The following SUN1 variants were observed in gnomAD, a reference collection of about 807,000 sequenced individuals.
SUN1 encodes SUN domain-containing protein 1.
Under a neutral mutation model 103.2 loss-of-function variants are expected in SUN1, and 61 were observed. The ratio of observed to expected loss-of-function variants is 0.59; its 90% CI spans 0.48 to 0.73. The LOEUF (loss-of-function observed/expected upper bound fraction) is 0.73, where lower values mean the gene tolerates loss of function less well. Ranked by LOEUF, SUN1 falls within the 30% of genes least tolerant of loss-of-function variation. The pLI is 0.00. For missense variants in SUN1, 1,052 were observed against 1,034.6 expected (o/e 1.02, Z -0.23); for synonymous variants, 490 against 425.7 (o/e 1.15, Z -1.86).
intron 2 of SUN1, among the ~76,000 whole-genome samples, chr7:840,767 G>A (rs1252233449): frequency 6.7e-6 from 1 of 149,270 alleles, no homozygotes. Context: ...TCAGCCTCCC[G>A]AGTAGCTGGG....
At chr7:816,096 C>T (rs2128098782), upstream of SUN1, 2 of 269,746 alleles carry the variant, frequency 7.4e-6, no homozygotes, top group Admixed American at 5.9e-5. Context: ...ATGCACACAC[C>T]TTTCCGAAGA....
chr7:824,449 G>C (rs1424272979), intron 1 of SUN1, among the ~76,000 whole-genome samples: 3 of 152,152 alleles, frequency 2.0e-5, no homozygotes, highest in Non-Finnish European at 4.4e-5. Flanking sequence ...GTGCACTCTA[G>C]GTTTGAAGCA....
chr7:845,427 T>C (rs1398643885), intron 5 of SUN1, among the ~76,000 whole-genome samples: 1 of 152,196 alleles, frequency 6.6e-6, no homozygotes, highest in African/African-American at 2.4e-5. Flanking sequence ...CCAGGACTTG[T>C]GCGGCCCACA....
chr7:824,396 A>T (rs1441997390), intron 1 of SUN1, among the ~76,000 whole-genome samples: 1 of 152,186 alleles, frequency 6.6e-6, no homozygotes, highest in East Asian at 1.9e-4. Context: ...TCCAGGAGAC[A>T]TTTGGTTGGC....
At chr7:847,236 C>T (rs904720556) in intron 5 of SUN1, among the ~76,000 whole-genome samples, 4 of 151,920 alleles carry the variant, frequency 2.6e-5, no homozygotes, top group African/African-American at 9.7e-5. Context: ...GGGGGTTACC[C>T]CGCAGTCCAG....
intron 5 of SUN1, chr7:848,381 T>C (rs774296347): frequency 7.5e-7 from 1 of 1,335,886 alleles, no homozygotes; most frequent in Non-Finnish European, 9.9e-7. Flanking sequence ...ATTGGCTTTA[T>C]GGGAAGAAAT....
At chr7:849,593 G>A in intron 5 of SUN1, 1 of 1,454,964 alleles carries the variant, frequency 6.9e-7, no homozygotes, top group Non-Finnish European at 9.3e-7. Context: ...GTGTAAATGG[G>A]GAAGCGCTGT....
chr7:856,353 T>G lies in SUN1; in HGVS notation c.1351-5T>G, dbSNP rs750281172. ...TTTCAGTAGACTATTTCTCATACTT[T>G]TTAGGCCATCCAGAAGGAACTAGAA... On this transcript the variant is annotated splice_polypyrimidine_tract_variant and splice_region_variant and intron_variant, in intron 11 of 18. Transcript: ENST00000401592. 2 of 1,614,050 alleles carry G rather than the reference T, an allele frequency of 1.2e-6. No homozygotes were observed.
chr7:870,027 C>G (rs1432301330), intron 17 of SUN1, among the ~76,000 whole-genome samples: 1 of 146,084 alleles, frequency 6.8e-6, no homozygotes, highest in Non-Finnish European at 1.5e-5. Context: ...AACCGCGTCT[C>G]TACTAAAATA....
upstream of SUN1, chr7:832,407 G>C (rs1798793062): frequency 4.0e-6 from 4 of 992,100 alleles, no homozygotes. Context: ...GGTGACCTGA[G>C]TTGAGTTGCG....
chr7:860,158 C>T lies in SUN1; in HGVS notation c.1555C>T (p.Leu519Phe). 1 of 1,614,202 alleles carries T rather than the reference C, an allele frequency of 6.2e-7. No individual in the cohort carries two copies. Among genetic ancestry groups the T allele is most frequent in the African/African-American group, 1.3e-5 (1 of 75,058 alleles). Residue 519 changes from leucine (L) to phenylalanine (F), a missense_variant, in exon 14 of 19, where the codon CTC (leucine) becomes TTC (phenylalanine). By Grantham distance (22) the Leu-to-Phe change is conservative (BLOSUM62 0). Around this residue, in one of 2 missense-constraint regions of SUN1, gnomAD observed 846 missense variants for 774.5 expected, o/e 1.09. Coordinates refer to ENST00000401592, the MANE Select transcript of SUN1 (RefSeq NM_001130965.3). The part of the protein sequence containing the change: ...VDVQVREMVK[L>F]LFSEDQQGGS... Reference sequence around the variant, plus strand: ...CGTGCAAGTCAGAGAAATGGTGAAACTCCTGTTTTCCGAAGATCAGCAAGG... The same window carrying T: ...CGTGCAAGTCAGAGAAATGGTGAAATTCCTGTTTTCCGAAGATCAGCAAGG...
chr7:858,524 G>A (rs976856199), intron 13 of SUN1, among the ~76,000 whole-genome samples: 5 of 152,150 alleles, frequency 3.3e-5, no homozygotes, highest in African/African-American at 9.7e-5. Context: ...CTTGGTATGC[G>A]TCCTTGGTGT....
intron 1 of SUN1, among the ~76,000 whole-genome samples, chr7:827,360 T>G (rs1048885333): frequency 6.6e-6 from 1 of 151,822 alleles, no homozygotes; most frequent in Non-Finnish European, 1.5e-5. Flanking sequence ...TTCAGCCTTG[T>G]ATGAAGATTT....
upstream of SUN1, among the ~76,000 whole-genome samples, chr7:830,103 G>A (rs1796557365): frequency 6.6e-6 from 1 of 152,238 alleles, no homozygotes; most frequent in African/African-American, 2.4e-5. Flanking sequence ...CTGTTAAGGG[G>A]GAAGGAGGAA....
At chr7:857,170 G>A (rs202045278) in intron 12 of SUN1, among the ~76,000 whole-genome samples, 25 of 152,224 alleles carry the variant, frequency 1.6e-4, no homozygotes, top group Non-Finnish European at 2.4e-4. Flanking sequence ...CTGTAGATTC[G>A]GCAGCCTTGG....
intron 1 of SUN1, among the ~76,000 whole-genome samples, chr7:818,936 T>C (rs1783451216): frequency 6.7e-6 from 1 of 149,368 alleles, no homozygotes; most frequent in African/African-American, 2.5e-5. Flanking sequence ...GGAACTCAGC[T>C]CACCGCGACC....
At chr7:817,408 C>G in intron 1 of SUN1, 1 of 1,535,534 alleles carries the variant, frequency 6.5e-7, no homozygotes, top group Non-Finnish European at 8.7e-7. Context: ...AGAATGGTGT[C>G]TGGTGCAAAA....
chr7:848,485 A>G (rs527726229), intron 5 of SUN1: 126 of 1,363,994 alleles, frequency 9.2e-5, no homozygotes, highest in Non-Finnish European at 1.2e-4. Flanking sequence ...CTTTTTCATC[A>G]TTTTTAGTTC....
At chr7:844,529 T>C (rs1015045746) in intron 5 of SUN1, among the ~76,000 whole-genome samples, 3 of 152,240 alleles carry the variant, frequency 2.0e-5, no homozygotes, top group African/African-American at 7.2e-5. Flanking sequence ...TTTTACCATC[T>C]TGTCTTCGTG....
Sources: gnomAD v4.1 joint callset for allele counts (sites outside exome capture counted in the v4.1 genomes callset) on GRCh38, gnomAD v4.1.1 for gene constraint, gnomAD v4.1.1 regional missense constraint, MANE v1.5 for transcripts, NCBI Gene and HGNC (gene_info 2026-07-23, HGNC 2026-07-21) for gene names.